PCDH15: variants seen among roughly 807,000 people sequenced by gnomAD.
PCDH15 encodes protocadherin related 15.
In PCDH15, 129 loss-of-function variants were observed where a neutral mutation model predicts 178.5. The observed-to-expected ratio is 0.72, with a 90% CI of 0.63 to 0.84. PCDH15 has a LOEUF of 0.84. PCDH15 is among the 40% of genes least tolerant of loss of function. The pLI, the probability that PCDH15 is intolerant of heterozygous loss-of-function variation, is 0.00. For synonymous variants in PCDH15, 800 were observed against 732.0 expected (o/e 1.09, Z -1.50); for missense variants, 2,230 against 2,099.9 (o/e 1.06, Z -1.21).
chr10:53,984,541 T>C (rs1315797423), intron 21 of PCDH15, among the ~76,000 whole-genome samples: 2 of 152,138 alleles, frequency 1.3e-5, no homozygotes, highest in Non-Finnish European at 2.9e-5. Flanking sequence ...TAATCTAGCA[T>C]CTCTTATATA....
intron 5 of PCDH15, among the ~76,000 whole-genome samples, chr10:54,350,177 T>C (rs1437137533): frequency 2.0e-5 from 3 of 152,186 alleles, no homozygotes; most frequent in Admixed American, 2.0e-4. Flanking sequence ...ATTAGTGTAA[T>C]AGCAATAGAT....
At chr10:55,285,758 G>A (rs1472820147) in intron 1 of PCDH15, among the ~76,000 whole-genome samples, 1 of 151,726 alleles carries the variant, frequency 6.6e-6, no homozygotes, top group African/African-American at 2.4e-5. Flanking sequence ...TACCTCCCTG[G>A]ATTTCATCCC....
intron 17 of PCDH15, among the ~76,000 whole-genome samples, chr10:54,071,130 A>G (rs971989476): frequency 4.6e-5 from 7 of 152,148 alleles, no homozygotes; most frequent in African/African-American, 1.7e-4. Context: ...CATACATGCA[A>G]TTTATTAGTC....
At chr10:54,360,258 T>C (rs910116949) in intron 5 of PCDH15, among the ~76,000 whole-genome samples, 6 of 152,242 alleles carry the variant, frequency 3.9e-5, no homozygotes, top group Admixed American at 6.6e-5. Context: ...TTGACCTTCA[T>C]TTCCCCTCCC....
At chr10:54,510,691 G>C (rs984051649) in intron 3 of PCDH15, among the ~76,000 whole-genome samples, 2 of 152,076 alleles carry the variant, frequency 1.3e-5, no homozygotes, top group African/African-American at 4.8e-5. Flanking sequence ...GAAATAGGTA[G>C]TACAAGAAGG....
chr10:55,180,860 T>G (rs909621355), intron 1 of PCDH15, among the ~76,000 whole-genome samples: 2 of 152,114 alleles, frequency 1.3e-5, no homozygotes, highest in African/African-American at 4.8e-5. Flanking sequence ...GCACTCTTTC[T>G]GTTCTATGTT....
chr10:55,352,088 C>A (rs149522384), intron 2 of PCDH15, among the ~76,000 whole-genome samples: 8 of 152,166 alleles, frequency 5.3e-5, no homozygotes, highest in African/African-American at 1.7e-4. Flanking sequence ...GTTAATTACT[C>A]AACTTCAAAG....
At chr10:53,918,112 C>A (rs2083681006) in intron 25 of PCDH15, among the ~76,000 whole-genome samples, 1 of 152,104 alleles carries the variant, frequency 6.6e-6, no homozygotes, top group African/African-American at 2.4e-5. Context: ...TGTAGCAATG[C>A]AAGAATGGCC....
intron 8 of PCDH15, among the ~76,000 whole-genome samples, chr10:54,302,756 G>C (rs1448425373): frequency 6.6e-6 from 1 of 152,090 alleles, no homozygotes; most frequent in Admixed American, 6.6e-5. Flanking sequence ...CACATAATAG[G>C]TACTCTAGTA....
intron 1 of PCDH15, among the ~76,000 whole-genome samples, chr10:55,306,404 C>T (rs949737553): frequency 1.4e-4 from 21 of 152,262 alleles, no homozygotes; most frequent in Middle Eastern, 3.4e-3. Context: ...CTGCATTTAC[C>T]CTGAATCTAA....
At chr10:54,391,700 T>C (rs1950564024) in intron 3 of PCDH15, among the ~76,000 whole-genome samples, 1 of 152,104 alleles carries the variant, frequency 6.6e-6, no homozygotes, top group Admixed American at 6.5e-5. Context: ...CTGGCTATTA[T>C]TTACCTCTTT....
At chr10:53,808,319 AGTGT>A (rs145527249) in intron 37 of PCDH15, 8,398 of 212,322 alleles carry the variant, frequency 0.04, 362 homozygotes, top group African/African-American at 0.1. Flanking sequence ...AAACATATAT[AGTGT>A]GTGTGTGTAT....
chr10:55,363,080 T>C (rs1021692407), intron 2 of PCDH15, among the ~76,000 whole-genome samples: 6 of 152,214 alleles, frequency 3.9e-5, no homozygotes, highest in African/African-American at 9.6e-5. Context: ...GTTGGAAAGC[T>C]TGGGTTAAAG....
At chr10:54,121,937 G>T (rs1237522388) in intron 15 of PCDH15, among the ~76,000 whole-genome samples, 1 of 151,636 alleles carries the variant, frequency 6.6e-6, no homozygotes, top group African/African-American at 2.4e-5. Context: ...AAATCAAGGA[G>T]GGGTGATTCC....
intron 2 of PCDH15, among the ~76,000 whole-genome samples, chr10:54,616,395 A>C (rs7899023): frequency 0.23 from 35,072 of 151,960 alleles, 4,214 homozygotes; most frequent in Non-Finnish European, 0.24. Flanking sequence ...GAAATCATAG[A>C]ACTGCTTCTT....
chr10:55,579,809 G>A lies in PCDH15; in HGVS notation c.-156+47816C>T, dbSNP rs1842569909. Among the ~76,000 whole-genome samples, 2 of 151,618 alleles carry A rather than the reference G, an allele frequency of 1.3e-5. 1 individual carries two copies. The highest frequency in any genetic ancestry group is 1.3e-4 in the Admixed American group (2 of 15,170). On this transcript the variant is annotated intron_variant, in intron 2 of 5. Coordinates refer to the PCDH15 transcript ENST00000613346. ...CTTGAGCAACGTATTGGGATTTTTTGGTTTTTTTGTTTGTTATGTTTTTTA... is the reference window on the plus strand; with the variant it reads ...CTTGAGCAACGTATTGGGATTTTTTAGTTTTTTTGTTTGTTATGTTTTTTA...
chr10:55,444,569 T>C (rs928045647), intron 2 of PCDH15, among the ~76,000 whole-genome samples: 1 of 152,064 alleles, frequency 6.6e-6, no homozygotes, highest in Non-Finnish European at 1.5e-5. Context: ...TTAATTCAAA[T>C]GAAATAATAG....
intron 1 of PCDH15, among the ~76,000 whole-genome samples, chr10:54,683,655 T>G (rs761536575): frequency 6.6e-6 from 1 of 152,090 alleles, no homozygotes; most frequent in African/African-American, 2.4e-5. Context: ...AGAGGTTAGG[T>G]AGCCCTCTCA....
At chr10:55,426,799 CT>C (rs2132052158) in intron 2 of PCDH15, among the ~76,000 whole-genome samples, 1 of 152,256 alleles carries the variant, frequency 6.6e-6, no homozygotes, top group East Asian at 1.9e-4. Flanking sequence ...GTGTGGGAAG[CT>C]AATCTTCCCC....
Sources: allele counts gnomAD v4.1 joint callset (sites outside exome capture counted in the v4.1 genomes callset), GRCh38; gene constraint gnomAD v4.1.1; transcripts MANE v1.5; gene names NCBI Gene and HGNC (gene_info 2026-07-23, HGNC 2026-07-21).